The following FBXL17 variants were observed in gnomAD, a reference collection of about 807,000 sequenced individuals.
FBXL17 encodes F-box/LRR-repeat protein 17.
Under a neutral mutation model 66.2 loss-of-function variants are expected in FBXL17, and 22 were observed. The observed-to-expected ratio is 0.33, with a 90% CI of 0.24 to 0.47. The LOEUF is 0.47. FBXL17 is among the 20% of genes least tolerant of loss of function. The pLI, the probability that FBXL17 is intolerant of heterozygous loss-of-function variation, is 1.00. For synonymous variants in FBXL17, 474 were observed against 400.5 expected (o/e 1.18, Z -2.19); for missense variants, 878 against 948.2 (o/e 0.93, Z 0.97).
At chr5:108,049,576 T>A (rs1343200360) in intron 6 of FBXL17, among the ~76,000 whole-genome samples, 1 of 151,962 alleles carries the variant, frequency 6.6e-6, no homozygotes, top group East Asian at 1.9e-4. Flanking sequence ...GTGCAAGAGC[T>A]CCTAAAGGAA....
At chr5:107,903,349 T>C (rs1749638510) in intron 7 of FBXL17, among the ~76,000 whole-genome samples, 1 of 152,150 alleles carries the variant, frequency 6.6e-6, no homozygotes, top group Non-Finnish European at 1.5e-5. Flanking sequence ...GAAAAATGTA[T>C]TTATTGAGCA....
intron 4 of FBXL17, among the ~76,000 whole-genome samples, chr5:108,321,459 A>G (rs931230079): frequency 2.0e-5 from 3 of 151,858 alleles, no homozygotes; most frequent in Non-Finnish European, 4.4e-5. Context: ...ACTGTTTCAC[A>G]TGAAAAAAAA....
Position 108,348,569 on chromosome 5 carries a change from A to G in FBXL17, c.1375-39T>C, listed in dbSNP as rs770620044. The G allele has an allele frequency of 1.0e-5, 16 of 1,581,750 alleles. No homozygotes were observed. In the South Asian group the frequency reaches 1.4e-4, roughly 13 times the overall value. On this transcript the variant is annotated intron_variant, in intron 3 of 8. Coordinates refer to ENST00000542267, the MANE Select transcript of FBXL17 (RefSeq NM_001163315.3). The stretch of plus-strand genomic sequence containing the variant: ...GATTTAGCTGAATGCTCAAAAAATA[A>G]CAAAGGCAACATATTTCAAGTGAGA...
intron 6 of FBXL17, among the ~76,000 whole-genome samples, chr5:108,054,763 G>T (rs747645008): frequency 6.6e-6 from 1 of 152,152 alleles, no homozygotes; most frequent in African/African-American, 2.4e-5. Context: ...GCCCATTGCT[G>T]TCTCTAGATT....
chr5:108,047,535 C>T (rs181082085), intron 6 of FBXL17, among the ~76,000 whole-genome samples: 89 of 152,314 alleles, frequency 5.8e-4, no homozygotes, highest in Middle Eastern at 6.8e-3. Context: ...CTGCTTAACA[C>T]GCTAAGCTCC....
intron 6 of FBXL17, among the ~76,000 whole-genome samples, chr5:108,133,725 A>C (rs1428712743): frequency 6.6e-6 from 1 of 152,204 alleles, no homozygotes; most frequent in Non-Finnish European, 1.5e-5. Context: ...GAAAAGACAA[A>C]AAAATGTAGG....
chr5:107,891,580 A>C (rs935895348), intron 7 of FBXL17, among the ~76,000 whole-genome samples: 1 of 152,160 alleles, frequency 6.6e-6, no homozygotes, highest in Non-Finnish European at 1.5e-5. Flanking sequence ...AATTTTAAAG[A>C]TAGGACCAAC....
intron 6 of FBXL17, among the ~76,000 whole-genome samples, chr5:108,071,433 T>C (rs1214333473): frequency 6.6e-6 from 1 of 152,212 alleles, no homozygotes; most frequent in African/African-American, 2.4e-5. Context: ...CATGTCATGA[T>C]TGTGATCTCC....
At chr5:108,257,189 A>G (rs1254851336) in intron 4 of FBXL17, among the ~76,000 whole-genome samples, 1 of 152,188 alleles carries the variant, frequency 6.6e-6, no homozygotes, top group Non-Finnish European at 1.5e-5. Flanking sequence ...AAACAGCACA[A>G]CAAACAAAGA....
intron 3 of FBXL17, among the ~76,000 whole-genome samples, chr5:108,350,202 T>A (rs1270355532): frequency 6.6e-6 from 1 of 152,176 alleles, no homozygotes; most frequent in East Asian, 1.9e-4. Flanking sequence ...GGGCTAAAAA[T>A]ACTAGAATTC....
chr5:107,860,634 T>G lies in FBXL17; in HGVS notation c.*1086A>C, dbSNP rs934807114. ...CTAGCAATAGATCTTTGCAGTAGCA[T>G]GAGAACTAGTCCAAAATGACAACAT... On this transcript the variant is annotated 3_prime_UTR_variant, in exon 9 of 9. Coordinates refer to ENST00000542267, the MANE Select transcript of FBXL17 (RefSeq NM_001163315.3). 1.2e-4 allele frequency: 19 copies of G among 152,624 alleles called. No homozygotes were observed. Among genetic ancestry groups the G allele is most frequent in the African/African-American group, 4.6e-4 (19 of 41,444 alleles). 9.5% of individuals were successfully genotyped at this position (152,624 alleles called of 1,614,324 possible).
chr5:108,250,679 G>A (rs916462771), intron 4 of FBXL17, among the ~76,000 whole-genome samples: 2 of 151,984 alleles, frequency 1.3e-5, no homozygotes, highest in Non-Finnish European at 2.9e-5. Flanking sequence ...AAAAAGTACT[G>A]AAAGATACAA....
chr5:108,190,575 A>G (rs1753431389), intron 5 of FBXL17, among the ~76,000 whole-genome samples: 1 of 152,224 alleles, frequency 6.6e-6, no homozygotes, highest in South Asian at 2.1e-4. Flanking sequence ...ATCTTAACAC[A>G]GGTTAACTGT....
At chr5:108,028,703 C>A (rs1754919073) in intron 6 of FBXL17, among the ~76,000 whole-genome samples, 1 of 152,088 alleles carries the variant, frequency 6.6e-6, no homozygotes, top group South Asian at 2.1e-4. Context: ...GCAACTCAGA[C>A]AAGATGCTGA....
chr5:108,286,218 T>G lies in FBXL17; in HGVS notation c.1507-61990A>C, dbSNP rs551845367. Among the ~76,000 whole-genome samples, 23 of 152,086 alleles carry G rather than the reference T, an allele frequency of 1.5e-4. No homozygotes were observed. In the Middle Eastern group the frequency reaches 0.01, roughly 67 times the overall value. Reference sequence around the variant, plus strand: ...TGGGCAAAAGCTGGAAGCATTCTCCTGGAAAACCAGAACAAGAACAGGATG... The same window carrying G: ...TGGGCAAAAGCTGGAAGCATTCTCCGGGAAAACCAGAACAAGAACAGGATG... On this transcript the variant is annotated intron_variant, in intron 4 of 8. Coordinates refer to ENST00000542267, the MANE Select transcript of FBXL17 (RefSeq NM_001163315.3).
At chr5:107,958,427 A>T (rs1471466246) in intron 7 of FBXL17, among the ~76,000 whole-genome samples, 3 of 152,214 alleles carry the variant, frequency 2.0e-5, no homozygotes, top group Non-Finnish European at 2.9e-5. Context: ...GCAGCCAGCT[A>T]GAAAATTTGA....
intron 6 of FBXL17, among the ~76,000 whole-genome samples, chr5:108,081,081 T>C (rs1748743138): frequency 6.6e-6 from 1 of 152,132 alleles, no homozygotes; most frequent in South Asian, 2.1e-4. Context: ...CCCTGCTATC[T>C]GTCATGTCAA....
At chr5:108,065,288 A>C (rs968032370) in intron 6 of FBXL17, among the ~76,000 whole-genome samples, 2 of 152,294 alleles carry the variant, frequency 1.3e-5, no homozygotes, top group East Asian at 1.9e-4. Flanking sequence ...AGAAGTTTTA[A>C]GTTTTAACAT....
intron 6 of FBXL17, among the ~76,000 whole-genome samples, chr5:108,035,719 A>G (rs1008897257): frequency 2.6e-5 from 4 of 152,154 alleles, no homozygotes; most frequent in Admixed American, 2.6e-4. Context: ...ACACAAATGC[A>G]GTACCACCAT....
Sources: gnomAD v4.1 joint callset for allele counts (sites outside exome capture counted in the v4.1 genomes callset) on GRCh38, gnomAD v4.1.1 for gene constraint, MANE v1.5 for transcripts, NCBI Gene and HGNC (gene_info 2026-07-23, HGNC 2026-07-21) for gene names.